Variants in THRB observed in about 807,000 individuals in gnomAD.
The protein encoded by THRB is thyroid hormone receptor beta, also known as nuclear receptor subfamily 1 group A member 2.
In THRB, 12 loss-of-function variants were observed where a neutral mutation model predicts 47.8. The observed-to-expected ratio is 0.25, with a 90% CI of 0.16 to 0.41. THRB has a LOEUF of 0.41. Ranked by LOEUF, THRB falls within the 10% of genes least tolerant of loss-of-function variation. The pLI, the probability that THRB is intolerant of heterozygous loss-of-function variation, is 1.00. For missense variants in THRB, 348 were observed against 589.2 expected (o/e 0.59, Z 4.24); for synonymous variants, 218 against 212.2 (o/e 1.03, Z -0.24).
At chr3:24,372,551 A>G (rs1024669370) in intron 1 of THRB, among the ~76,000 whole-genome samples, 1 of 152,106 alleles carries the variant, frequency 6.6e-6, no homozygotes, top group Admixed American at 6.6e-5. Flanking sequence ...TCTGGTTACA[A>G]TCAAGTGTAC....
chr3:24,203,879 G>A (rs569913400), intron 4 of THRB, among the ~76,000 whole-genome samples: 1 of 152,336 alleles, frequency 6.6e-6, no homozygotes, highest in Admixed American at 6.5e-5. Context: ...TGGCTTGGAG[G>A]GTCCCACGCC....
chr3:24,224,417 A>T (rs559410265), intron 4 of THRB, among the ~76,000 whole-genome samples: 2 of 152,168 alleles, frequency 1.3e-5, no homozygotes, highest in South Asian at 4.1e-4. Flanking sequence ...CAGTGTTAAC[A>T]TTAGTTATTT....
intron 1 of THRB, among the ~76,000 whole-genome samples, chr3:24,370,556 T>C (rs992776893): frequency 6.6e-6 from 1 of 151,998 alleles, no homozygotes; most frequent in African/African-American, 2.4e-5. Context: ...GATAATCATC[T>C]ATGGAGTGAC....
chr3:24,491,090 T>C (rs766062273), intron 1 of THRB, among the ~76,000 whole-genome samples: 2 of 152,216 alleles, frequency 1.3e-5, no homozygotes, highest in Admixed American at 6.5e-5. Context: ...ACAAGTTTAA[T>C]GCATGCCACC....
chr3:24,121,134 T>C lies in THRB; in HGVS notation c.*1750A>G, dbSNP rs781190736. 7.3e-6 allele frequency: 1 copy of C among 136,744 alleles called. No homozygotes were observed. The highest frequency in any genetic ancestry group is 3.4e-5 in the African/African-American group (1 of 29,118). The allele number at this position is 136,744 out of a possible 1,614,324, so 8.5% of individuals were successfully genotyped here. A position where few individuals can be genotyped will look rare whatever the true frequency, so the allele number is the denominator to read the frequency against. ...AAAAAAAATAATTAAAGGAACCAGATTTTTTTTTTCCCCTTGAAATTCAGA... is the reference window on the plus strand; with the variant it reads ...AAAAAAAATAATTAAAGGAACCAGACTTTTTTTTTCCCCTTGAAATTCAGA... On this transcript the variant is annotated 3_prime_UTR_variant, in exon 11 of 11. Coordinates refer to ENST00000646209, the MANE Select transcript of THRB (RefSeq NM_001354712.2).
At chr3:24,381,113 C>CAAAAA (rs35253085) in intron 1 of THRB, among the ~76,000 whole-genome samples, 14 of 87,672 alleles carry the variant, frequency 1.6e-4, no homozygotes, top group African/African-American at 4.0e-4. Context: ...GACTCTGCCT[C>CAAAAA]AAAAAAAAAA....
chr3:24,227,959 T>TA (rs1306850539), intron 4 of THRB, among the ~76,000 whole-genome samples: 1 of 152,172 alleles, frequency 6.6e-6, no homozygotes, highest in Non-Finnish European at 1.5e-5. Context: ...GACTGAGCCA[T>TA]AAGTCTATAA....
At chr3:24,161,654 A>ACACACACG (rs1553624014) in intron 5 of THRB, among the ~76,000 whole-genome samples, 42 of 151,382 alleles carry the variant, frequency 2.8e-4, no homozygotes, top group East Asian at 9.7e-4. Context: ...ACACACACAC[A>ACACACACG]GACAGAATTC....
chr3:24,130,803 G>A (rs1046889493), intron 9 of THRB, among the ~76,000 whole-genome samples: 3 of 152,064 alleles, frequency 2.0e-5, no homozygotes, highest in African/African-American at 4.8e-5. Context: ...TCAGTGATGC[G>A]GGCAGGATAT....
rs905188330 is a variant in THRB at position 24,231,307 on chromosome 3, C to T, written c.-42-2306G>A. Among the ~76,000 whole-genome samples, 11 of 151,568 alleles carry T rather than the reference C, an allele frequency of 7.3e-5. No individual in the cohort carries two copies. In the East Asian group the frequency reaches 2.1e-3, roughly 29 times the overall value. ...TTATGATATTATCAGTTAAAAATAT[C>T]TTCATTTTCAAAATTCCAATTGAAT... On this transcript the variant is annotated intron_variant, in intron 3 of 10. Coordinates refer to ENST00000646209, the MANE Select transcript of THRB (RefSeq NM_001354712.2).
chr3:24,487,022 A>G (rs1697403261), intron 1 of THRB, among the ~76,000 whole-genome samples: 1 of 152,220 alleles, frequency 6.6e-6, no homozygotes, highest in Non-Finnish European at 1.5e-5. Flanking sequence ...AACAGCAGAA[A>G]GAAAGTCAAG....
chr3:24,354,848 A>C (rs1577061132), intron 1 of THRB, among the ~76,000 whole-genome samples: 3 of 152,248 alleles, frequency 2.0e-5, no homozygotes, highest in Admixed American at 2.0e-4. Context: ...TCAAGATAAA[A>C]AAGTGGATTT....
chr3:24,214,344 C>T (rs1001126798), intron 4 of THRB, among the ~76,000 whole-genome samples: 2 of 152,156 alleles, frequency 1.3e-5, no homozygotes, highest in Non-Finnish European at 2.9e-5. Context: ...CCAGACTATT[C>T]TGCATTTAAG....
intron 3 of THRB, among the ~76,000 whole-genome samples, chr3:24,242,782 G>A (rs1284016579): frequency 6.6e-6 from 1 of 152,016 alleles, no homozygotes; most frequent in Non-Finnish European, 1.5e-5. Context: ...TCAGAGGCTC[G>A]TGTTTGCATC....
chr3:24,394,764 A>T (rs1183763894), intron 1 of THRB, among the ~76,000 whole-genome samples: 1 of 152,126 alleles, frequency 6.6e-6, no homozygotes, highest in Non-Finnish European at 1.5e-5. Context: ...CGTGCAATAA[A>T]GGAAGAACAA....
intron 3 of THRB, among the ~76,000 whole-genome samples, chr3:24,250,130 T>G (rs2050517190): frequency 6.6e-6 from 1 of 152,102 alleles, no homozygotes; most frequent in Non-Finnish European, 1.5e-5. Context: ...AAGAAGAAAT[T>G]AAAAGATCAA....
intron 3 of THRB, among the ~76,000 whole-genome samples, chr3:24,276,840 T>C (rs2053966981): frequency 6.6e-6 from 1 of 152,214 alleles, no homozygotes; most frequent in South Asian, 2.1e-4. Context: ...AATGATACGA[T>C]GTTGGAGCAA....
intron 1 of THRB, among the ~76,000 whole-genome samples, chr3:24,484,546 T>C (rs912196679): frequency 4.6e-5 from 7 of 152,226 alleles, no homozygotes; most frequent in Non-Finnish European, 7.3e-5. Context: ...CACTTGTCTA[T>C]AATGTGGCTA....
At chr3:24,236,460 C>G (rs1345199120) in intron 3 of THRB, among the ~76,000 whole-genome samples, 5 of 143,832 alleles carry the variant, frequency 3.5e-5, no homozygotes, top group Non-Finnish European at 2.9e-5. Flanking sequence ...TTATTATAGG[C>G]ATCATCATTA....
Sources: gnomAD v4.1 joint callset for allele counts (sites outside exome capture counted in the v4.1 genomes callset) on GRCh38, gnomAD v4.1.1 for gene constraint, MANE v1.5 for transcripts, NCBI Gene and HGNC (gene_info 2026-07-23, HGNC 2026-07-21) for gene names.